Variants in UNC5C observed in about 807,000 individuals in gnomAD.
The protein encoded by UNC5C is unc-5 netrin receptor C.
In UNC5C, 47 loss-of-function variants were observed where a neutral mutation model predicts 99.8. The ratio of observed to expected loss-of-function variants is 0.47; its 90% CI spans 0.37 to 0.60. The LOEUF is 0.60. UNC5C is among the 20% of genes least tolerant of loss of function. UNC5C has a pLI of 0.00. For missense variants in UNC5C, 1,062 were observed against 1,165.9 expected (o/e 0.91, Z 1.30); for synonymous variants, 487 against 452.2 (o/e 1.08, Z -0.98).
intron 4 of UNC5C, among the ~76,000 whole-genome samples, chr4:95,266,806 G>A (rs908322233): frequency 6.6e-6 from 1 of 152,156 alleles, no homozygotes; most frequent in East Asian, 1.9e-4. Context: ...TTTATTTACA[G>A]TATCAGCAAA....
At chr4:95,206,381 T>C (rs1469660590) in intron 11 of UNC5C, among the ~76,000 whole-genome samples, 2 of 152,178 alleles carry the variant, frequency 1.3e-5, no homozygotes, top group South Asian at 2.1e-4. Context: ...AAAAGGAACA[T>C]GTCTACAACT....
At chr4:95,545,256 T>C (rs1016558641) in intron 1 of UNC5C, among the ~76,000 whole-genome samples, 3 of 152,212 alleles carry the variant, frequency 2.0e-5, no homozygotes, top group Non-Finnish European at 4.4e-5. Context: ...TATAATCTAA[T>C]GATTCCTAAT....
intron 10 of UNC5C, 74 bp downstream of exon 10, chr4:95,216,050 T>C: frequency 1.5e-6 from 2 of 1,290,902 alleles, no homozygotes; most frequent in Non-Finnish European, 2.2e-6. Flanking sequence ...ATGTTGGGTT[T>C]ATTGTGTCTA....
At chr4:95,176,257 C>T (rs943495978) in intron 14 of UNC5C, among the ~76,000 whole-genome samples, 11 of 152,200 alleles carry the variant, frequency 7.2e-5, no homozygotes, top group African/African-American at 2.7e-4. Context: ...AAGGTCATTC[C>T]CTGTCCAGCT....
intron 1 of UNC5C, among the ~76,000 whole-genome samples, chr4:95,523,145 C>A (rs543004343): frequency 6.6e-6 from 1 of 152,270 alleles, no homozygotes; most frequent in South Asian, 2.1e-4. Flanking sequence ...TGGTCTCCAC[C>A]AGAGGCAAGC....
At chr4:95,293,964 G>A (rs1741580647) in intron 3 of UNC5C, among the ~76,000 whole-genome samples, 1 of 152,166 alleles carries the variant, frequency 6.6e-6, no homozygotes, top group African/African-American at 2.4e-5. Context: ...CAAACCACAT[G>A]AGGCTTTCAA....
At chr4:95,198,248 C>T (rs951975510) in intron 12 of UNC5C, among the ~76,000 whole-genome samples, 1 of 152,024 alleles carries the variant, frequency 6.6e-6, no homozygotes, top group Non-Finnish European at 1.5e-5. Context: ...CTTGGCCTCC[C>T]AAAGTGCTGG....
chr4:95,526,569 A>G (rs6818054), intron 1 of UNC5C, among the ~76,000 whole-genome samples: 53,081 of 151,952 alleles, frequency 0.35, 10,772 homozygotes, highest in Non-Finnish European at 0.45. Context: ...ATTAGTAAGT[A>G]ATACAAATGT....
Position 95,219,465 on chromosome 4 carries a change from T to C in UNC5C, c.1301-152A>G, listed in dbSNP as rs1360012279. 5.1e-5 allele frequency: 36 copies of C among 704,988 alleles called. No homozygotes were observed. The East Asian group carries it at 9.4e-4, about 18-fold the overall frequency. 43.7% of individuals were successfully genotyped at this position (704,988 alleles called of 1,614,324 possible). ...ACAGGCTCTACTGAAAACAGGGCAA[T>C]CAGATAACTACCAGCTCTTTTATTA... On this transcript the variant is annotated intron_variant, in intron 8 of 15. Transcript: ENST00000453304.
intron 1 of UNC5C, among the ~76,000 whole-genome samples, chr4:95,450,481 C>T (rs151163531): frequency 1.3e-5 from 2 of 152,332 alleles, no homozygotes; most frequent in Non-Finnish European, 2.9e-5. Flanking sequence ...GTCAGCATTA[C>T]AGGCATAAGC....
chr4:95,361,109 G>A (rs149439903), intron 1 of UNC5C, among the ~76,000 whole-genome samples: 105 of 152,226 alleles, frequency 6.9e-4, no homozygotes, highest in African/African-American at 2.3e-3. Flanking sequence ...GGTTCACAGT[G>A]GGGCAGGATA....
At chr4:95,446,809 C>T (rs1053763721) in intron 1 of UNC5C, among the ~76,000 whole-genome samples, 9 of 151,034 alleles carry the variant, frequency 6.0e-5, no homozygotes, top group East Asian at 1.9e-4. Context: ...TCATTTTCTG[C>T]GATTATCTGG....
intron 1 of UNC5C, among the ~76,000 whole-genome samples, chr4:95,440,529 G>T (rs907740835): frequency 6.6e-6 from 1 of 152,106 alleles, no homozygotes; most frequent in Non-Finnish European, 1.5e-5. Flanking sequence ...ATTAAAGTAT[G>T]AGTAGAAGAC....
chr4:95,245,805 A>G (rs1227142271), intron 5 of UNC5C, among the ~76,000 whole-genome samples: 1 of 152,222 alleles, frequency 6.6e-6, no homozygotes, highest in African/African-American at 2.4e-5. Context: ...TGTAAAACCT[A>G]CACCGTAAGA....
intron 1 of UNC5C, among the ~76,000 whole-genome samples, chr4:95,477,844 A>T (rs1379931342): frequency 6.6e-6 from 1 of 151,978 alleles, no homozygotes. Context: ...ACTTAAGAGG[A>T]CAGGCTTTGG....
In UNC5C at chr4:95,548,882, A is replaced by G; in HGVS notation, c.-25T>C. 1.3e-6 allele frequency: 2 copies of G among 1,599,176 alleles called. No individual in the cohort carries two copies. Among genetic ancestry groups the G allele is most frequent in the Non-Finnish European group, 1.7e-6 (2 of 1,171,832 alleles). On this transcript the variant is annotated 5_prime_UTR_variant, in exon 1 of 16. Coordinates refer to ENST00000453304, the MANE Select transcript of UNC5C (RefSeq NM_003728.4). ...TCGTAGACAGAGGTGTGCCGGGGGG[A>G]GGGGAGGGGGACAGAGAGACGCGCA... is the stretch of plus-strand genomic sequence containing the variant.
At chr4:95,371,708 G>A (rs191699343) in intron 1 of UNC5C, among the ~76,000 whole-genome samples, 12 of 152,228 alleles carry the variant, frequency 7.9e-5, no homozygotes, top group African/African-American at 2.4e-4. Flanking sequence ...CCAGGGCTAC[G>A]TAAGTGTTTG....
chr4:95,199,202 A>G (rs1409373937), intron 12 of UNC5C, among the ~76,000 whole-genome samples: 2 of 152,114 alleles, frequency 1.3e-5, no homozygotes, highest in Admixed American at 6.5e-5. Context: ...GAGATGGGAG[A>G]GAGTATGTTG....
chr4:95,382,370 A>G (rs1367649876), intron 1 of UNC5C, among the ~76,000 whole-genome samples: 1 of 151,906 alleles, frequency 6.6e-6, no homozygotes, highest in Non-Finnish European at 1.5e-5. Context: ...CTGCTCGGGA[A>G]GCTGAGGGAA....
Sources: allele counts gnomAD v4.1 joint callset (sites outside exome capture counted in the v4.1 genomes callset), GRCh38; gene constraint gnomAD v4.1.1; transcripts MANE v1.5; gene names NCBI Gene and HGNC (gene_info 2026-07-23, HGNC 2026-07-21).